The following TCEA3 variants were observed in gnomAD, a reference collection of about 807,000 sequenced individuals.
The protein encoded by TCEA3 is transcription elongation factor A3, also known as transcription elongation factor A protein 3.
In TCEA3, 36 loss-of-function variants were observed where a neutral mutation model predicts 44.0. That is an observed-to-expected ratio of 0.82 (90% CI 0.63 to 1.08). TCEA3 has a LOEUF of 1.08. Ranked by LOEUF, TCEA3 falls within the 50% of genes least tolerant of loss-of-function variation. The pLI, the probability that TCEA3 is intolerant of heterozygous loss-of-function variation, is 0.00. For synonymous variants in TCEA3, 162 were observed against 159.7 expected (o/e 1.01, Z -0.11); for missense variants, 392 against 441.2 (o/e 0.89, Z 1.00).
Position 23,424,565 on chromosome 1 carries a change from C to G in TCEA3, c.69G>C (p.Thr23=). Residue 23 remains threonine, a splice_region_variant and synonymous_variant, in exon 1 of 11, where the codon ACG becomes ACC. Transcript: ENST00000450454. ...KLEKMVARKN[T]EGALDLLKKL... ...CGTGGCCCAAACTCTGCAGCCTCAC[C>G]GTGTTCTTCCTGGCCACCATCTTCT... is the stretch of plus-strand genomic sequence containing the variant. The G allele has an allele frequency of 2.5e-6, 4 of 1,607,380 alleles. No homozygotes were observed. Among genetic ancestry groups the G allele is most frequent in the Non-Finnish European group, 3.4e-6 (4 of 1,178,788 alleles).
intron 5 of TCEA3, among the ~76,000 whole-genome samples, chr1:23,400,749 G>T (rs1318142824): frequency 6.6e-6 from 1 of 152,076 alleles, no homozygotes; most frequent in Admixed American, 6.5e-5. Flanking sequence ...CCCACTCGAG[G>T]GTCTTACCAA....
intron 8 of TCEA3, among the ~76,000 whole-genome samples, chr1:23,391,274 G>A (rs1047791412): frequency 3.3e-5 from 5 of 150,418 alleles, no homozygotes; most frequent in Non-Finnish European, 5.9e-5. Flanking sequence ...CACCACGCCC[G>A]GCTAATTTTT....
At chr1:23,382,826 A>G (rs1369727765) in intron 10 of TCEA3, among the ~76,000 whole-genome samples, 1 of 152,242 alleles carries the variant, frequency 6.6e-6, no homozygotes, top group African/African-American at 2.4e-5. Flanking sequence ...GCCTGATGCC[A>G]AAGCCCATGC....
rs1362605944 is a variant in TCEA3, at chr1:23,418,837, G to A, written c.132+240C>T. ...GGGAATTGGGGTATTCAAGAAAAGC[G>A]AACCAGTCTTGCTCCAAGGCCCAGA... On this transcript the variant is annotated intron_variant, in intron 2 of 10. Coordinates refer to ENST00000450454, the MANE Select transcript of TCEA3 (RefSeq NM_003196.3). 4.0e-5 allele frequency among the ~76,000 whole-genome samples: 6 copies of A among 151,870 alleles called. No individual in the cohort carries two copies. The South Asian group carries it at 8.3e-4, about 21-fold the overall frequency.
chr1:23,402,514 C>T (rs913602953), intron 5 of TCEA3, among the ~76,000 whole-genome samples: 3 of 152,218 alleles, frequency 2.0e-5, no homozygotes, highest in Non-Finnish European at 2.9e-5. Flanking sequence ...CCTCCCACTG[C>T]CGGGCCTTTG....
intron 8 of TCEA3, among the ~76,000 whole-genome samples, chr1:23,390,715 T>A (rs1308802957): frequency 6.6e-6 from 1 of 152,058 alleles, no homozygotes; most frequent in Non-Finnish European, 1.5e-5. Flanking sequence ...TGAGGCAGCA[T>A]CAGAGACACG....
chr1:23,424,530 G>C, intron 1 of TCEA3, 35 bp downstream of exon 1: 1 of 1,580,826 alleles, frequency 6.3e-7, no homozygotes, highest in Non-Finnish European at 8.6e-7. Context: ...CGCCTCCCGG[G>C]GGCGGGGGCC....
At chr1:23,422,464 G>C (rs1640093071) in intron 1 of TCEA3, among the ~76,000 whole-genome samples, 1 of 152,216 alleles carries the variant, frequency 6.6e-6, no homozygotes, top group Non-Finnish European at 1.5e-5. Flanking sequence ...AAGTGGCTGA[G>C]ACTTCAGCAA....
At chr1:23,423,791 A>C in intron 1 of TCEA3, 1 of 455,974 alleles carries the variant, frequency 2.2e-6, no homozygotes, top group Non-Finnish European at 4.4e-6. Flanking sequence ...AAGATCAAAC[A>C]TTAACTTCCA....
At chr1:23,416,491 T>A (rs1639893096) in intron 4 of TCEA3, among the ~76,000 whole-genome samples, 1 of 151,942 alleles carries the variant, frequency 6.6e-6, no homozygotes, top group African/African-American at 2.4e-5. Flanking sequence ...TATGTCTTGG[T>A]TTTTGTTTGT....
intron 10 of TCEA3, chr1:23,383,731 A>G: frequency 1.0e-6 from 1 of 985,500 alleles, no homozygotes; most frequent in Non-Finnish European, 1.2e-6. Flanking sequence ...ACGTGACCAC[A>G]CTCTGTTCCT....
intron 5 of TCEA3, among the ~76,000 whole-genome samples, chr1:23,399,712 G>A (rs1639343197): frequency 1.3e-5 from 2 of 148,610 alleles, no homozygotes. Context: ...CTGTCATCCA[G>A]GCTGCCAGGC....
intron 4 of TCEA3, among the ~76,000 whole-genome samples, chr1:23,416,301 C>T (rs985266401): frequency 7.9e-5 from 12 of 151,612 alleles, no homozygotes; most frequent in Admixed American, 3.9e-4. Flanking sequence ...ATACCGTACC[C>T]GGCCTTCCAT....
intron 7 of TCEA3, among the ~76,000 whole-genome samples, chr1:23,394,236 A>G (rs1639150525): frequency 1.3e-5 from 2 of 152,150 alleles, no homozygotes; most frequent in African/African-American, 4.8e-5. Flanking sequence ...GAGAAAGAAA[A>G]TAGCTTCTGG....
At chr1:23,389,269 C>T (rs956160829) in intron 8 of TCEA3, among the ~76,000 whole-genome samples, 17 of 152,086 alleles carry the variant, frequency 1.1e-4, no homozygotes, top group African/African-American at 3.4e-4. Flanking sequence ...AGGTGGATCA[C>T]CTGAGGTCAG....
At chr1:23,422,601 T>G (rs1640097016) in intron 1 of TCEA3, among the ~76,000 whole-genome samples, 1 of 152,020 alleles carries the variant, frequency 6.6e-6, no homozygotes, top group Non-Finnish European at 1.5e-5. Flanking sequence ...CCCACCTTTC[T>G]CGGCCAGACG....
At chr1:23,395,843 AAGG>A (rs1639200708) in intron 7 of TCEA3, among the ~76,000 whole-genome samples, 1 of 151,838 alleles carries the variant, frequency 6.6e-6, no homozygotes, top group South Asian at 2.1e-4. Context: ...AAAAAAAAAA[AAGG>A]AACTTTCAGT....
intron 8 of TCEA3, among the ~76,000 whole-genome samples, chr1:23,388,747 G>A (rs893423274): frequency 4.6e-5 from 7 of 151,958 alleles, no homozygotes; most frequent in African/African-American, 7.3e-5. Context: ...TGGTGCGATC[G>A]TGACTCATGG....
intron 8 of TCEA3, 102 bp downstream of exon 8, chr1:23,393,777 C>T (rs556938338): frequency 1.7e-4 from 253 of 1,455,836 alleles, no homozygotes; most frequent in Non-Finnish European, 2.3e-4. Flanking sequence ...TGAAAAGCTC[C>T]CTGGCTCACT....
Sources: gnomAD v4.1 joint callset for allele counts (sites outside exome capture counted in the v4.1 genomes callset) on GRCh38, gnomAD v4.1.1 for gene constraint, MANE v1.5 for transcripts, NCBI Gene and HGNC (gene_info 2026-07-23, HGNC 2026-07-21) for gene names.